OXTR: variants seen among roughly 807,000 people sequenced by gnomAD.
OXTR encodes oxytocin receptor.
In OXTR, 19 loss-of-function variants were observed where a neutral mutation model predicts 23.9. The ratio of observed to expected loss-of-function variants is 0.80; its 90% CI spans 0.56 to 1.17. The LOEUF (loss-of-function observed/expected upper bound fraction) is 1.17. Among genes scored for constraint, OXTR ranks in the 50% most tolerant of loss-of-function variants. The probability of loss-of-function intolerance (pLI) is 0.00; values close to 1 mark genes in which losing one functional copy is unlikely to be tolerated. For synonymous variants in OXTR, 278 were observed against 250.5 expected, an observed-to-expected ratio of 1.11 and a Z score of -1.04; for missense variants, 500 against 550.7, an observed-to-expected ratio of 0.91 and a Z score of 0.92.
In OXTR at chr3:8,753,080, C is replaced by T. The variant is rs777166927; in HGVS notation, c.1067G>A (p.Arg356His). 8.1e-6 allele frequency: 13 copies of T among 1,614,056 alleles called. No homozygotes were observed. In the East Asian group the frequency reaches 1.6e-4, roughly 19 times the overall value. Residue 356 changes from arginine (R) to histidine (H), a missense_variant, in exon 4 of 4, where the codon CGC becomes CAC. Arg to His is a conservative substitution (Grantham distance 29, BLOSUM62 0). Transcript: ENST00000316793. ...CCSASYLKGR[R>H]LGETSASKKS... is the part of the protein sequence containing the mutation. ...TTTGCTGGCACTCGTCTCTCCCAGG[C>T]GTCTGCCCTTCAGGTAGCTGGCGGA...
chr3:8,756,021 T>A (rs181357285), intron 3 of OXTR, among the ~76,000 whole-genome samples: 1 of 152,158 alleles, frequency 6.6e-6, no homozygotes, highest in Non-Finnish European at 1.5e-5. Flanking sequence ...CCAGACAGAG[T>A]CTGCCCACTT....
chr3:8,744,325 C>G, the OXTR span, among the ~76,000 whole-genome samples: 1 of 145,070 alleles, frequency 6.9e-6, no homozygotes, highest in Non-Finnish European at 1.5e-5. Flanking sequence ...GTCACCCAGG[C>G]TGGAGTGCAG....
chr3:8,759,314 T>TGTTGATGCAAATAC (rs1212203256), intron 3 of OXTR, among the ~76,000 whole-genome samples: 1 of 152,184 alleles, frequency 6.6e-6, no homozygotes, highest in Non-Finnish European at 1.5e-5. Flanking sequence ...TAATGCCTTC[T>TGTTGATGCAAATAC]CAGGGTATTT....
At chr3:8,764,299 C>A (rs937455854) in intron 3 of OXTR, among the ~76,000 whole-genome samples, 1 of 152,208 alleles carries the variant, frequency 6.6e-6, no homozygotes, top group African/African-American at 2.4e-5. Context: ...TCCTGCCTCC[C>A]TGTGAGCCTG....
At chr3:8,747,844 T>A (rs1708196887), downstream of OXTR, among the ~76,000 whole-genome samples, 1 of 152,216 alleles carries the variant, frequency 6.6e-6, no homozygotes, top group Non-Finnish European at 1.5e-5. Flanking sequence ...GAATTTGCCA[T>A]CTTGGTATTT....
rs868173215 is a variant in OXTR at position 8,758,096 on chromosome 3, C to G, written c.923-4872G>C. On this transcript the variant is annotated intron_variant, in intron 3 of 3. Coordinates refer to ENST00000316793, the MANE Select transcript of OXTR (RefSeq NM_000916.4). The stretch of plus-strand genomic sequence containing the variant: ...AGCCACACACCAAACGCCAACATCC[C>G]CTGCTGGGCAATTCTGTCCCTGGGA... Among the ~76,000 whole-genome samples the G allele has an allele frequency of 5.9e-5, 9 of 152,210 alleles. No homozygotes were observed. The South Asian group carries it at 1.9e-3, about 32-fold the overall frequency.
downstream of OXTR, among the ~76,000 whole-genome samples, chr3:8,749,170 T>C (rs1441922165): frequency 6.6e-6 from 1 of 152,024 alleles, no homozygotes; most frequent in Non-Finnish European, 1.5e-5. Context: ...TAAGAAATGG[T>C]GAAAATGCTC....
At chr3:8,742,552 G>A in the OXTR span, 3 of 451,712 alleles carry the variant, frequency 6.6e-6, no homozygotes, top group African/African-American at 2.0e-5. Context: ...AGAATAATCC[G>A]GGATGTCAAA....
rs762376033 is a variant in OXTR at position 8,753,081 on chromosome 3, G to A, written c.1066C>T (p.Arg356Cys). The A allele has an allele frequency of 7.2e-5, 116 of 1,614,040 alleles. No individual in the cohort carries two copies. Among genetic ancestry groups the A allele is most frequent in the East Asian group, 2.0e-4 (9 of 44,882 alleles). ...CCSASYLKGR[R>C]LGETSASKKS... ...TTGCTGGCACTCGTCTCTCCCAGGC[G>A]TCTGCCCTTCAGGTAGCTGGCGGAG... The change falls in exon 4 of 4, where the codon CGC (arginine) becomes TGC (cysteine). Residue 356 changes from arginine to cysteine, a missense_variant. Transcript: ENST00000316793.
rs925383824 is a variant in OXTR, at chr3:8,768,220, G to T, written c.-33C>A. On this transcript the variant is annotated 5_prime_UTR_variant, in exon 3 of 4. Transcript: ENST00000316793. The surrounding 1 kb of genome is among the most constrained non-coding windows in gnomAD (Gnocchi z 5.4). ...GCGGCAGCGGTGCGCCCCGGCCTTC[G>T]AGCCCTTTACGGCTTGGCGCGGCTG... 2 of 1,277,836 alleles carry T rather than the reference G, an allele frequency of 1.6e-6. No individual in the cohort carries two copies. Among genetic ancestry groups the T allele is most frequent in the South Asian group, 2.8e-5 (1 of 35,210 alleles). 79.2% of individuals were successfully genotyped at this position (1,277,836 alleles called of 1,614,324 possible).
In OXTR at chr3:8,762,100, C is replaced by G. The variant is rs543086728; in HGVS notation, c.922+5166G>C. On this transcript the variant is annotated intron_variant, in intron 3 of 3. Transcript: ENST00000316793. ...CAGTGCCTCAGGTCACACCCAGACA[C>G]GCCAGCCCGGGGCCACAGACCTCAC... Among the ~76,000 whole-genome samples the G allele has an allele frequency of 2.0e-5, 3 of 152,300 alleles. No homozygotes were observed. In the South Asian group the frequency reaches 6.2e-4, roughly 32 times the overall value.
rs74356995 is a variant in OXTR, at chr3:8,761,133, A to C, written c.922+6133T>G. Reference sequence around the variant, plus strand: ...ACACGCCAAAGACTGTTCAGCCTAAAATGTCAATAGTGCCAAAGTTGAAAA... The same window carrying C: ...ACACGCCAAAGACTGTTCAGCCTAACATGTCAATAGTGCCAAAGTTGAAAA... On this transcript the variant is annotated intron_variant, in intron 3 of 3. Transcript: ENST00000316793. Among the ~76,000 whole-genome samples the C allele has an allele frequency of 1.8e-3, 276 of 152,338 alleles. 1 individual carries two copies. The highest frequency in any genetic ancestry group is 2.2e-3 in the Non-Finnish European group (149 of 68,026).
rs1708244485 is a variant in OXTR, at chr3:8,750,959, C to G, written c.*2018G>C. On this transcript the variant is annotated 3_prime_UTR_variant, in exon 4 of 4. Coordinates refer to ENST00000316793, the MANE Select transcript of OXTR (RefSeq NM_000916.4). ...TTTAACTTTTTGAGGTACTGCCAAA[C>G]TGTTTTTCAAAGCAGGTGCACCATT... 1 of 152,162 alleles carries G rather than the reference C, an allele frequency of 6.6e-6. No individual in the cohort carries two copies. The highest frequency in any genetic ancestry group is 2.1e-4 in the South Asian group (1 of 4,826). 9.4% of individuals were successfully genotyped at this position (152,162 alleles called of 1,614,324 possible).
At chr3:8,755,934 G>A (rs1708363696) in intron 3 of OXTR, among the ~76,000 whole-genome samples, 1 of 152,082 alleles carries the variant, frequency 6.6e-6, no homozygotes, top group Non-Finnish European at 1.5e-5. Context: ...TTCCCGGGAG[G>A]CAAGAAGGGA....
At chr3:8,746,313 T>C (rs897192998), downstream of OXTR, 3 of 166,100 alleles carry the variant, frequency 1.8e-5, no homozygotes, top group African/African-American at 7.2e-5. Context: ...GCCTGTAAGA[T>C]TGGTTTGTGT....
chr3:8,756,743 G>C (rs1171025794), intron 3 of OXTR, among the ~76,000 whole-genome samples: 1 of 152,198 alleles, frequency 6.6e-6, no homozygotes, highest in African/African-American at 2.4e-5. Flanking sequence ...GCCAAAAGGA[G>C]CTGCCACCAC....
Position 8,753,091 on chromosome 3 carries a change from C to T in OXTR, c.1056G>A (p.Leu352=), listed in dbSNP as rs1708300421. Residue 352 remains leucine (L), a synonymous_variant, in exon 4 of 4, where the codon CTG becomes CTA. Coordinates refer to ENST00000316793, the MANE Select transcript of OXTR (RefSeq NM_000916.4). Reference sequence around the variant, plus strand: ...TCGTCTCTCCCAGGCGTCTGCCCTTCAGGTAGCTGGCGGAGCAGCACAGGA... The same window carrying T: ...TCGTCTCTCCCAGGCGTCTGCCCTTTAGGTAGCTGGCGGAGCAGCACAGGA... ...QRFLCCSASY[L]KGRRLGETSA... is the part of the protein sequence containing the mutation. 6.2e-7 allele frequency: 1 copy of T among 1,614,182 alleles called. No individual in the cohort carries two copies. Among genetic ancestry groups the T allele is most frequent in the Non-Finnish European group, 8.5e-7 (1 of 1,180,036 alleles).
Position 8,750,731 on chromosome 3 carries a change from T to G in OXTR, c.*2246A>C, listed in dbSNP as rs567072069. 9 of 152,372 alleles carry G rather than the reference T, an allele frequency of 5.9e-5. No homozygotes were observed. The highest frequency in any genetic ancestry group is 2.2e-4 in the African/African-American group (9 of 41,588). The allele number at this position is 152,372 out of a possible 1,614,324, so 9.4% of individuals were successfully genotyped here. On this transcript the variant is annotated 3_prime_UTR_variant, in exon 4 of 4. Coordinates refer to ENST00000316793, the MANE Select transcript of OXTR (RefSeq NM_000916.4). ...GAGTACTTCATTTCTTTTTAGAGTC[T>G]AATAATGTTCCATTGCGTGGACAGA...
rs1446143228 is a variant in OXTR at position 8,752,286 on chromosome 3, A to G, written c.*691T>C. On this transcript the variant is annotated 3_prime_UTR_variant, in exon 4 of 4. Coordinates refer to ENST00000316793, the MANE Select transcript of OXTR (RefSeq NM_000916.4). ...GTGTGAGTTCCTTAGGATTTTCTAT[A>G]TACAAAACTGTGTCATCTGCAAATA... 3 of 152,148 alleles carry G rather than the reference A, an allele frequency of 2.0e-5. No individual in the cohort carries two copies. Among genetic ancestry groups the G allele is most frequent in the African/African-American group, 7.2e-5 (3 of 41,408 alleles). The allele number at this position is 152,148 out of a possible 1,614,324, so 9.4% of individuals were successfully genotyped here. A position where few individuals can be genotyped will look rare whatever the true frequency, so the allele number is the denominator to read the frequency against.
Sources: gnomAD v4.1 joint callset for allele counts (sites outside exome capture counted in the v4.1 genomes callset) on GRCh38, gnomAD v4.1.1 for gene constraint, Gnocchi (gnomAD v3.1) non-coding constraint, MANE v1.5 for transcripts, NCBI Gene and HGNC (gene_info 2026-07-23, HGNC 2026-07-21) for gene names.